Variants in UIMC1 observed in about 807,000 individuals in gnomAD.
UIMC1 encodes the protein BRCA1-A complex subunit RAP80.
Under a neutral mutation model 84.9 loss-of-function variants are expected in UIMC1, and 42 were observed. The ratio of observed to expected loss-of-function variants is 0.49; its 90% CI spans 0.39 to 0.64. UIMC1 has a LOEUF of 0.64. Among genes scored for constraint, UIMC1 ranks in the 30% least tolerant of loss-of-function variants. UIMC1 has a pLI of 0.00. For synonymous variants in UIMC1, 281 were observed against 293.0 expected, an observed-to-expected ratio of 0.96 and a Z score of 0.42; for missense variants, 825 against 847.6, an observed-to-expected ratio of 0.97 and a Z score of 0.33.
intron 10 of UIMC1, among the ~76,000 whole-genome samples, chr5:176,926,642 A>G (rs534457827): frequency 1.3e-3 from 191 of 152,110 alleles, no homozygotes; most frequent in Admixed American, 2.4e-3. Context: ...GTCTCAAACA[A>G]CAACAACAAC....
At chr5:176,969,327 A>C in intron 5 of UIMC1, 36 bp from the exon 6 acceptor site, 2 of 1,558,780 alleles carry the variant, frequency 1.3e-6, no homozygotes, top group Non-Finnish European at 1.7e-6. Flanking sequence ...GCTAAGGACA[A>C]ACTTTTTTAT....
At chr5:176,911,112 G>GAAGAAAAGAAAAGAAAAGAA (rs35830185) in intron 11 of UIMC1, among the ~76,000 whole-genome samples, 199 bp downstream of exon 11, 88 of 116,994 alleles carry the variant, frequency 7.5e-4, no homozygotes, top group South Asian at 3.2e-3. Flanking sequence ...GAGAGAGAGA[G>GAAGAAAAGAAAAGAAAAGAA]AAGAAAAGAA....
rs1007057268 is a variant in UIMC1, at chr5:176,968,420, T to C, written c.1200+135A>G. 3.9e-6 allele frequency: 5 copies of C among 1,293,274 alleles called. No individual in the cohort carries two copies. The Admixed American group carries it at 1.0e-4, about 27-fold the overall frequency. The allele number at this position is 1,293,274 out of a possible 1,614,324, so 80.1% of individuals were successfully genotyped here. A position where few individuals can be genotyped will look rare whatever the true frequency, so the allele number is the denominator to read the frequency against. On this transcript the variant is annotated intron_variant, in intron 6 of 14. Transcript: ENST00000511320. ...TTTTCTTCTTTATACTCTCCTGTACTTTCCTAATTTTCTATAGTGAACATG... is the reference window on the plus strand; with the variant it reads ...TTTTCTTCTTTATACTCTCCTGTACCTTCCTAATTTTCTATAGTGAACATG...
chr5:176,997,602 G>A (rs912602409), intron 1 of UIMC1, among the ~76,000 whole-genome samples: 9 of 149,428 alleles, frequency 6.0e-5, no homozygotes, highest in Non-Finnish European at 8.9e-5. Context: ...GGAGAATGCC[G>A]TGAACCCAGG....
rs143494065 is a variant in UIMC1, at chr5:176,986,841, A to G, written c.-8-4218T>C. On this transcript the variant is annotated intron_variant, in intron 1 of 14. Coordinates refer to ENST00000511320, the MANE Select transcript of UIMC1 (RefSeq NM_001199298.2). ...AGAACAATTAAGCAAAGAGAAATAA[A>G]AGATACTCAACTTAGAAGTAAAACT... is the stretch of plus-strand genomic sequence containing the variant. 9.1e-3 allele frequency among the ~76,000 whole-genome samples: 1,385 copies of G among 152,300 alleles called. 7 individuals are homozygous for G. The highest frequency in any genetic ancestry group is 0.025 in the South Asian group (121 of 4,824).
At chr5:176,944,243 G>C (rs528742483) in intron 9 of UIMC1, among the ~76,000 whole-genome samples, 16 of 152,302 alleles carry the variant, frequency 1.1e-4, no homozygotes, top group African/African-American at 2.6e-4. Flanking sequence ...AGGAAACTAA[G>C]ATCTACATAC....
In UIMC1 at chr5:176,906,244, A is replaced by T. The variant is rs1759354774; in HGVS notation, c.1913-197T>A. The stretch of plus-strand genomic sequence containing the variant: ...ACTCAGCTGCAGGGGCACTCAGATG[A>T]ACACTTTTGAATGAACAACCTCTGA... On this transcript the variant is annotated intron_variant, in intron 13 of 14. Coordinates refer to ENST00000511320, the MANE Select transcript of UIMC1 (RefSeq NM_001199298.2). 1.3e-5 allele frequency: 7 copies of T among 554,912 alleles called. 1 individual carries two copies. In the South Asian group the frequency reaches 1.7e-4, roughly 13 times the overall value. The allele number at this position is 554,912 out of a possible 1,614,324, so 34.4% of individuals were successfully genotyped here.
intron 1 of UIMC1, among the ~76,000 whole-genome samples, chr5:177,018,005 CAGT>C (rs1238858969): frequency 6.6e-6 from 1 of 151,956 alleles, no homozygotes; most frequent in Admixed American, 6.6e-5. Flanking sequence ...ATTACATACT[CAGT>C]AGATACTTTT....
At chr5:176,933,747 G>A (rs1448453751) in intron 10 of UIMC1, among the ~76,000 whole-genome samples, 1 of 151,814 alleles carries the variant, frequency 6.6e-6, no homozygotes, top group Non-Finnish European at 1.5e-5. Context: ...TGTTGCTCAG[G>A]CTGGTCTTGA....
chr5:176,959,632 C>T (rs1260288155), intron 6 of UIMC1, among the ~76,000 whole-genome samples: 2 of 147,368 alleles, frequency 1.4e-5, no homozygotes, highest in African/African-American at 2.5e-5. Context: ...AGGAGAATGG[C>T]GTGAACCCGG....
At chr5:176,919,858 T>C (rs565092464) in intron 10 of UIMC1, among the ~76,000 whole-genome samples, 5 of 152,348 alleles carry the variant, frequency 3.3e-5, no homozygotes, top group Admixed American at 6.5e-5. Flanking sequence ...CTGTAATGCC[T>C]ACCTCTATGT....
intron 6 of UIMC1, among the ~76,000 whole-genome samples, chr5:176,963,818 C>CA (rs1231766271): frequency 2.6e-5 from 4 of 151,540 alleles, no homozygotes; most frequent in Admixed American, 2.6e-4. Context: ...AGTCAGTTCT[C>CA]ACAACCCCAC....
At chr5:176,964,940 T>C (rs987754982) in intron 6 of UIMC1, among the ~76,000 whole-genome samples, 1 of 152,158 alleles carries the variant, frequency 6.6e-6, no homozygotes, top group African/African-American at 2.4e-5. Flanking sequence ...TTGGGAGAGA[T>C]TAAGTCTCCT....
Position 176,982,628 on chromosome 5 carries a change from A to C in UIMC1, c.-8-5T>G. The C allele has an allele frequency of 6.2e-7, 1 of 1,605,884 alleles. No individual in the cohort carries two copies. Among genetic ancestry groups the C allele is most frequent in the Non-Finnish European group, 8.5e-7 (1 of 1,178,014 alleles). The stretch of plus-strand genomic sequence containing the variant: ...TTCTCCGTGGCATCCTTTTGTCTAG[A>C]ATAAAAGGACAATAATTTTGTCTAG... On this transcript the variant is annotated splice_region_variant and splice_polypyrimidine_tract_variant and intron_variant, in intron 1 of 14. Coordinates refer to ENST00000511320, the MANE Select transcript of UIMC1 (RefSeq NM_001199298.2).
intron 3 of UIMC1, among the ~76,000 whole-genome samples, chr5:176,974,516 A>G (rs1445583593): frequency 6.6e-6 from 1 of 152,186 alleles, no homozygotes; most frequent in Non-Finnish European, 1.5e-5. Context: ...AAAAAAAACC[A>G]TAAAAGAGAA....
At chr5:177,003,620 T>A (rs1774851548) in intron 1 of UIMC1, among the ~76,000 whole-genome samples, 2 of 152,098 alleles carry the variant, frequency 1.3e-5, no homozygotes, top group Admixed American at 6.6e-5. Context: ...GCCACTGCAC[T>A]CCAGCTTGGG....
At chr5:177,007,997 C>T (rs1468599349), upstream of UIMC1, among the ~76,000 whole-genome samples, 2 of 151,406 alleles carry the variant, frequency 1.3e-5, no homozygotes, top group African/African-American at 2.4e-5. Context: ...CCCAGCTATT[C>T]GGGAGGCTGA....
At chr5:176,910,086 G>A (rs765045660) in intron 11 of UIMC1, among the ~76,000 whole-genome samples, 20 of 152,188 alleles carry the variant, frequency 1.3e-4, no homozygotes, top group Non-Finnish European at 2.4e-4. Context: ...ACTAAGGCAA[G>A]TATCTCTCTC....
intron 7 of UIMC1, 75 bp from the exon 8 acceptor site, chr5:176,956,110 C>T: frequency 7.0e-7 from 1 of 1,430,808 alleles, no homozygotes; most frequent in Non-Finnish European, 9.7e-7. Flanking sequence ...AATGGTGAGT[C>T]ACTCACAAAG....
Sources: allele counts gnomAD v4.1 joint callset (sites outside exome capture counted in the v4.1 genomes callset), GRCh38; gene constraint gnomAD v4.1.1; transcripts MANE v1.5; gene names NCBI Gene and HGNC (gene_info 2026-07-23, HGNC 2026-07-21).